The following FSD1L variants were observed in gnomAD, a reference collection of about 807,000 sequenced individuals.
FSD1L encodes fibronectin type III and SPRY domain containing 1 like, also known as FSD1-like protein.
Under a neutral mutation model 71.6 loss-of-function variants are expected in FSD1L, and 45 were observed. That is an observed-to-expected ratio of 0.63 (90% CI 0.49 to 0.81). The LOEUF (loss-of-function observed/expected upper bound fraction) is 0.81, where lower values mean the gene tolerates loss of function less well. Ranked by LOEUF, FSD1L falls within the 30% of genes least tolerant of loss-of-function variation. FSD1L has a pLI of 0.00. For missense variants in FSD1L, 561 were observed against 618.1 expected, an observed-to-expected ratio of 0.91 and a Z score of 0.98; for synonymous variants, 197 against 207.2, an observed-to-expected ratio of 0.95 and a Z score of 0.42.
chr9:105,532,692 C>T (rs772536717), intron 10 of FSD1L, among the ~76,000 whole-genome samples: 122 of 152,290 alleles, frequency 8.0e-4, no homozygotes, highest in Non-Finnish European at 1.5e-3. Flanking sequence ...GCTATCTGTT[C>T]AAACAGAACT....
upstream of FSD1L, chr9:105,447,959 G>A (rs1829718799): frequency 5.6e-6 from 3 of 535,038 alleles, no homozygotes; most frequent in African/African-American, 6.1e-5. Context: ...ACCCTCCACG[G>A]CTACTTCCCG....
intron 7 of FSD1L, among the ~76,000 whole-genome samples, chr9:105,493,027 A>G (rs1208383818): frequency 6.6e-6 from 1 of 152,178 alleles, no homozygotes; most frequent in East Asian, 1.9e-4. Context: ...CACTTGGTGC[A>G]GAGCTGAGTT....
chr9:105,454,465 G>T (rs1460628285), intron 1 of FSD1L, among the ~76,000 whole-genome samples: 1 of 152,058 alleles, frequency 6.6e-6, no homozygotes, highest in East Asian at 1.9e-4. Context: ...AATTAGAAAT[G>T]GAATTACTGA....
At chr9:105,523,308 C>T (rs1835301697) in intron 10 of FSD1L, 1 of 1,589,440 alleles carries the variant, frequency 6.3e-7, no homozygotes, top group South Asian at 1.1e-5. Flanking sequence ...GAAGGATCTG[C>T]AGCTCGATGA....
intron 10 of FSD1L, among the ~76,000 whole-genome samples, chr9:105,519,823 G>C (rs1274835240): frequency 6.6e-6 from 1 of 152,130 alleles, no homozygotes; most frequent in Non-Finnish European, 1.5e-5. Flanking sequence ...GCGGCGAGCG[G>C]CGGCCGCTGG....
Position 105,517,577 on chromosome 9 carries a change from G to A in FSD1L, c.1025+4641G>A, listed in dbSNP as rs1199180755. On this transcript the variant is annotated intron_variant, in intron 10 of 13. Coordinates refer to ENST00000481272, the MANE Select transcript of FSD1L (RefSeq NM_001145313.3). ...AGCCAAACTAAGCTTCATAAGTGAA[G>A]GAAAAATAAAATCCTTTACAGACAA... Among the ~76,000 whole-genome samples, 4 of 152,050 alleles carry A rather than the reference G, an allele frequency of 2.6e-5. No individual in the cohort carries two copies. In the East Asian group the frequency reaches 7.7e-4, roughly 29 times the overall value.
At chr9:105,487,182 G>C (rs1588987455) in intron 7 of FSD1L, among the ~76,000 whole-genome samples, 1 of 151,990 alleles carries the variant, frequency 6.6e-6, no homozygotes, top group Admixed American at 6.5e-5. Flanking sequence ...AATGTAATTA[G>C]TTCTTGATGA....
intron 3 of FSD1L, among the ~76,000 whole-genome samples, chr9:105,466,144 T>C (rs1446265582): frequency 6.6e-6 from 1 of 152,082 alleles, no homozygotes; most frequent in Non-Finnish European, 1.5e-5. Flanking sequence ...ACAATCCCAT[T>C]TGCTGTAGCA....
At chr9:105,490,473 G>T (rs1832853401) in intron 7 of FSD1L, among the ~76,000 whole-genome samples, 2 of 151,834 alleles carry the variant, frequency 1.3e-5, no homozygotes, top group Admixed American at 6.6e-5. Context: ...CACTCTGATG[G>T]TAGTTTCTTT....
chr9:105,480,109 A>G (rs1032168972), intron 6 of FSD1L, among the ~76,000 whole-genome samples: 1 of 152,188 alleles, frequency 6.6e-6, no homozygotes, highest in Non-Finnish European at 1.5e-5. Context: ...TATTGAGATT[A>G]TAGCAAGTTT....
intron 6 of FSD1L, among the ~76,000 whole-genome samples, chr9:105,481,179 G>GTGTGTGTGTGTGTGTGTGTGT (rs71364100): frequency 2.1e-4 from 24 of 115,362 alleles, no homozygotes; most frequent in South Asian, 8.0e-4. Context: ...GTGTGTGTGT[G>GTGTGTGTGTGTGTGTGTGTGT]GTTCTTTTTT....
At chr9:105,442,722 C>A in the FSD1L span, among the ~76,000 whole-genome samples, 1 of 151,966 alleles carries the variant, frequency 6.6e-6, no homozygotes, top group South Asian at 2.1e-4. Context: ...CTACCAGGTA[C>A]CCTTCCAGTG....
At chr9:105,454,426 C>A (rs978752703) in intron 1 of FSD1L, among the ~76,000 whole-genome samples, 1 of 152,168 alleles carries the variant, frequency 6.6e-6, no homozygotes, top group Non-Finnish European at 1.5e-5. Flanking sequence ...CAAGTCTCTG[C>A]TTACACCCTT....
In FSD1L at chr9:105,468,254, T is replaced by G. The variant is rs1174989852; in HGVS notation, c.269T>G (p.Leu90Arg). The G allele has an allele frequency of 1.4e-6, 2 of 1,481,038 alleles. No homozygotes were observed. The highest frequency in any genetic ancestry group is 1.8e-6 in the Non-Finnish European group (2 of 1,121,914). 91.7% of individuals were successfully genotyped at this position (1,481,038 alleles called of 1,614,324 possible). A position where few individuals can be genotyped will look rare whatever the true frequency, so the allele number is the denominator to read the frequency against. ...GAATTTGATAGTTTATACTCTATAC[T>G]GGATGAAGTAAAAGAAAGTATGATT... ...DEEFDSLYSI[L>R]DEVKESMINC... Residue 90 changes from leucine to arginine, a missense_variant, in exon 4 of 14, where the codon CTG becomes CGG. Physicochemically the swap from Leu to Arg is moderately radical, Grantham distance 102. This residue lies in a region of FSD1L where 410 missense variants were observed against 413.5 expected (regional missense o/e 0.99). Transcript: ENST00000481272.
rs1835484034 is a variant in FSD1L at position 105,526,006 on chromosome 9, G to C, written c.1026-8487G>C. On this transcript the variant is annotated intron_variant, in intron 10 of 13. Coordinates refer to ENST00000481272, the MANE Select transcript of FSD1L (RefSeq NM_001145313.3). Reference sequence around the variant, plus strand: ...AGAGCATACTAGAGACTACAGGAGAGGAATTATTCCCACAGAATTTGGTGA... The same window carrying C: ...AGAGCATACTAGAGACTACAGGAGACGAATTATTCCCACAGAATTTGGTGA... 2.6e-6 allele frequency: 4 copies of C among 1,540,038 alleles called. No individual in the cohort carries two copies. In the South Asian group the frequency reaches 4.5e-5, roughly 17 times the overall value.
At chr9:105,485,533 G>GTT (rs34268568) in intron 7 of FSD1L, among the ~76,000 whole-genome samples, 9,739 of 79,092 alleles carry the variant, frequency 0.12, 729 homozygotes, top group East Asian at 0.42. Context: ...TTGGTTAGGT[G>GTT]TTTTTTTTTT....
chr9:105,520,138 A>G (rs1835042498), intron 10 of FSD1L: 2 of 1,604,372 alleles, frequency 1.2e-6, no homozygotes, highest in African/African-American at 1.3e-5. Flanking sequence ...ATGTTCTCCA[A>G]GAAGCCGCAC....
At chr9:105,521,665 A>G (rs1473574101) in intron 10 of FSD1L, 8 of 1,613,136 alleles carry the variant, frequency 5.0e-6, no homozygotes, top group African/African-American at 1.3e-5. Flanking sequence ...GTCACAGACC[A>G]TGATATTTCA....
Position 105,535,612 on chromosome 9 carries a change from A to G in FSD1L, c.1378+294A>G, listed in dbSNP as rs1406243959. Among the ~76,000 whole-genome samples, 3 of 152,136 alleles carry G rather than the reference A, an allele frequency of 2.0e-5. No homozygotes were observed. In the East Asian group the frequency reaches 5.8e-4, roughly 29 times the overall value. The stretch of plus-strand genomic sequence containing the variant: ...TGTCCATTTTAATTCCTTCCTTACC[A>G]TGTTTTATTACCTACCTCTAAAGAG... On this transcript the variant is annotated intron_variant, in intron 12 of 13. Coordinates refer to ENST00000481272, the MANE Select transcript of FSD1L (RefSeq NM_001145313.3).
Sources: gnomAD v4.1 joint callset for allele counts (sites outside exome capture counted in the v4.1 genomes callset) on GRCh38, gnomAD v4.1.1 for gene constraint, gnomAD v4.1.1 regional missense constraint, MANE v1.5 for transcripts, NCBI Gene and HGNC (gene_info 2026-07-23, HGNC 2026-07-21) for gene names.